The following TAOK1 variants were observed in gnomAD, a reference collection of about 807,000 sequenced individuals.
The protein encoded by TAOK1 is serine/threonine-protein kinase TAO1.
Under a neutral mutation model 138.3 loss-of-function variants are expected in TAOK1, and 21 were observed. The observed-to-expected ratio is 0.15, with a 90% CI of 0.11 to 0.22. The LOEUF is 0.22. Ranked by LOEUF, TAOK1 falls within the 10% of genes least tolerant of loss-of-function variation. The pLI is 1.00. For synonymous variants in TAOK1, 361 were observed against 398.4 expected (o/e 0.91, Z 1.12); for missense variants, 651 against 1,227.7 (o/e 0.53, Z 7.02).
intron 17 of TAOK1, among the ~76,000 whole-genome samples, chr17:29,522,912 T>C (rs2031943082): frequency 1.3e-5 from 2 of 151,998 alleles, no homozygotes; most frequent in Non-Finnish European, 2.9e-5. Flanking sequence ...CTGTCTCTAC[T>C]AAAAATACAA....
chr17:29,533,299 C>T (rs1184866850), intron 18 of TAOK1, among the ~76,000 whole-genome samples: 1 of 147,842 alleles, frequency 6.8e-6, no homozygotes, highest in South Asian at 2.2e-4. Flanking sequence ...CGGGAAGAGG[C>T]GCTCCTCACT....
At chr17:29,522,547 CAG>C in intron 17 of TAOK1, 28 bp downstream of exon 17, 4 of 1,611,486 alleles carry the variant, frequency 2.5e-6, no homozygotes, top group Non-Finnish European at 3.4e-6. Flanking sequence ...TTTTTGATAA[CAG>C]GGAGGAGAAT....
rs572819890 is a variant in TAOK1, at chr17:29,467,491, C to A, written c.204+275C>A. Among the ~76,000 whole-genome samples, 291 of 152,262 alleles carry A rather than the reference C, an allele frequency of 1.9e-3. 1 individual carries two copies. The highest frequency in any genetic ancestry group is 2.6e-3 in the Non-Finnish European group (180 of 68,020). On this transcript the variant is annotated intron_variant, in intron 3 of 19. Coordinates refer to ENST00000261716, the MANE Select transcript of TAOK1 (RefSeq NM_020791.4). ...GTTTCACCGTGTTAGCCAGGATGGTCTTGATCTCCTGACCTCGTGATCTGC... is the reference window on the plus strand; with the variant it reads ...GTTTCACCGTGTTAGCCAGGATGGTATTGATCTCCTGACCTCGTGATCTGC...
intron 1 of TAOK1, among the ~76,000 whole-genome samples, chr17:29,441,123 G>A (rs1235358074): frequency 1.3e-5 from 2 of 152,186 alleles, no homozygotes; most frequent in African/African-American, 2.4e-5. Context: ...TTCATAAGGG[G>A]TATTGGTCTG....
At chr17:29,452,240 A>G (rs938715029) in intron 2 of TAOK1, among the ~76,000 whole-genome samples, 3 of 152,110 alleles carry the variant, frequency 2.0e-5, no homozygotes, top group Non-Finnish European at 2.9e-5. Flanking sequence ...AAATAAATAA[A>G]TAAATAAACA....
intron 2 of TAOK1, among the ~76,000 whole-genome samples, chr17:29,460,114 A>G (rs1478510104): frequency 6.6e-6 from 1 of 152,260 alleles, no homozygotes; most frequent in African/African-American, 2.4e-5. Flanking sequence ...ACAAAGACCC[A>G]TCTTGGCAAA....
rs374331809 is a variant in TAOK1 at position 29,396,853 on chromosome 17, G to A, written c.-95+5829G>A. Among the ~76,000 whole-genome samples, 16 of 152,012 alleles carry A rather than the reference G, an allele frequency of 1.1e-4. No individual in the cohort carries two copies. The South Asian group carries it at 1.5e-3, about 14-fold the overall frequency. ...TAAAAATACAAAAAATTAGCTGGGC[G>A]TGGTGGCGTGTGCCTGTAATCCCAG... On this transcript the variant is annotated intron_variant, in intron 1 of 19. Transcript: ENST00000261716.
At chr17:29,512,251 G>C (rs560342981) in intron 15 of TAOK1, 1 of 150,658 alleles carries the variant, frequency 6.6e-6, no homozygotes, top group South Asian at 2.1e-4. Flanking sequence ...GTAGAGACGG[G>C]GTTTCACCAT....
intron 2 of TAOK1, among the ~76,000 whole-genome samples, chr17:29,459,039 A>G (rs765240721): frequency 6.6e-6 from 1 of 152,064 alleles, no homozygotes; most frequent in South Asian, 2.1e-4. Context: ...TATTTTTACT[A>G]GAGATGGGGT....
chr17:29,493,699 T>C (rs1419297845), intron 10 of TAOK1, among the ~76,000 whole-genome samples: 1 of 152,144 alleles, frequency 6.6e-6, no homozygotes, highest in Admixed American at 6.6e-5. Context: ...GAAATAGTTA[T>C]CATGAGCTTC....
intron 8 of TAOK1, among the ~76,000 whole-genome samples, chr17:29,488,576 A>AAAAAAT (rs1555564492): frequency 4.0e-4 from 58 of 145,472 alleles, no homozygotes; most frequent in East Asian, 1.2e-3. Context: ...ACATCTCAAA[A>AAAAAAT]AATAATAATA....
At chr17:29,519,258 C>A (rs1316516303) in intron 16 of TAOK1, among the ~76,000 whole-genome samples, 1 of 152,076 alleles carries the variant, frequency 6.6e-6, no homozygotes, top group Non-Finnish European at 1.5e-5. Flanking sequence ...TGGCTGTGAT[C>A]CTAGCACTTT....
intron 2 of TAOK1, among the ~76,000 whole-genome samples, chr17:29,464,186 A>G (rs969742017): frequency 9.9e-5 from 15 of 152,116 alleles, no homozygotes; most frequent in Admixed American, 1.3e-4. Context: ...CTGTAATCCC[A>G]GCACTATGGG....
At chr17:29,440,751 T>C (rs922651468) in intron 1 of TAOK1, among the ~76,000 whole-genome samples, 1 of 152,092 alleles carries the variant, frequency 6.6e-6, no homozygotes, top group South Asian at 2.1e-4. Context: ...AATTTTTGAA[T>C]TTTTAGTAGA....
intron 1 of TAOK1, among the ~76,000 whole-genome samples, chr17:29,414,940 A>T (rs1310584391): frequency 6.6e-6 from 1 of 152,042 alleles, no homozygotes; most frequent in East Asian, 1.9e-4. Context: ...TTGTCGATGG[A>T]CATGTGAGCC....
chr17:29,451,479 T>C lies in TAOK1; in HGVS notation c.-70T>C. The C allele has an allele frequency of 2.0e-6, 3 of 1,501,822 alleles. No homozygotes were observed. Among genetic ancestry groups the C allele is most frequent in the Non-Finnish European group, 2.7e-6 (3 of 1,128,306 alleles). The allele number at this position is 1,501,822 out of a possible 1,614,324, so 93.0% of individuals were successfully genotyped here. On this transcript the variant is annotated 5_prime_UTR_variant, in exon 2 of 20. Transcript: ENST00000261716. ...GTAGTTTATGCCAACGTGACTTCAT[T>C]CATACAGATGAACCAAGGATCGGGA...
intron 2 of TAOK1, among the ~76,000 whole-genome samples, chr17:29,456,685 ACAAGGTATACT>A (rs2030385096): frequency 6.6e-6 from 1 of 150,610 alleles, no homozygotes; most frequent in Admixed American, 6.6e-5. Context: ...AGCATTTTGC[ACAAGGTATACT>A]CAACCTATAA....
intron 19 of TAOK1, among the ~76,000 whole-genome samples, chr17:29,539,837 G>A (rs941983768): frequency 6.6e-6 from 1 of 151,790 alleles, no homozygotes; most frequent in Non-Finnish European, 1.5e-5. Flanking sequence ...CCACGATCGC[G>A]CCACTGCACT....
chr17:29,412,802 A>G (rs937232033), intron 1 of TAOK1, among the ~76,000 whole-genome samples: 4 of 152,208 alleles, frequency 2.6e-5, no homozygotes. Flanking sequence ...GCATAGCTTC[A>G]TGAACCCATA....
Sources: allele counts gnomAD v4.1 joint callset (sites outside exome capture counted in the v4.1 genomes callset), GRCh38; gene constraint gnomAD v4.1.1; transcripts MANE v1.5; gene names NCBI Gene and HGNC (gene_info 2026-07-23, HGNC 2026-07-21).